Variants in RYR2 observed in about 807,000 individuals in gnomAD.
RYR2 encodes cardiac muscle ryanodine receptor-calcium release channel.
Under a neutral mutation model 601.1 loss-of-function variants are expected in RYR2, and 227 were observed. That is an observed-to-expected ratio of 0.38 (90% CI 0.34 to 0.42). The LOEUF is 0.42. Among genes scored for constraint, RYR2 ranks in the 10% least tolerant of loss-of-function variants. The pLI, the probability that RYR2 is intolerant of heterozygous loss-of-function variation, is 1.00. For missense variants in RYR2, 4,646 were observed against 6,156.5 expected (o/e 0.75, Z 8.21); for synonymous variants, 2,223 against 2,175.1 (o/e 1.02, Z -0.61).
intron 80 of RYR2, among the ~76,000 whole-genome samples, chr1:237,750,536 A>G (rs974348895): frequency 6.0e-5 from 9 of 150,900 alleles, no homozygotes; most frequent in Non-Finnish European, 3.0e-5. Flanking sequence ...AATTTCATAA[A>G]GTTCATTATA....
intron 1 of RYR2, among the ~76,000 whole-genome samples, chr1:237,210,221 TA>T (rs11356891): frequency 0.23 from 35,258 of 152,128 alleles, 4,435 homozygotes; most frequent in East Asian, 0.36. Context: ...AACTCTTTTT[TA>T]AAAAAATTTT....
At chr1:237,794,131 TAA>T in intron 95 of RYR2, 134 bp downstream of exon 95, 1 of 750,028 alleles carries the variant, frequency 1.3e-6, no homozygotes, top group Non-Finnish European at 2.1e-6. Context: ...AAGAAAAATC[TAA>T]AGACTCAGTG....
intron 26 of RYR2, among the ~76,000 whole-genome samples, chr1:237,549,638 T>C (rs917736220): frequency 1.0e-4 from 15 of 146,022 alleles, no homozygotes; most frequent in Middle Eastern, 3.6e-3. Flanking sequence ...CTTTTTTTTT[T>C]TTTTTTTTTT....
chr1:237,237,441 A>G (rs1685662366), intron 1 of RYR2, among the ~76,000 whole-genome samples: 1 of 152,212 alleles, frequency 6.6e-6, no homozygotes. Flanking sequence ...AAACTAGTTC[A>G]TGCTATGAAA....
chr1:237,087,204 C>A (rs1341948058), intron 1 of RYR2, among the ~76,000 whole-genome samples: 4 of 152,130 alleles, frequency 2.6e-5, no homozygotes, highest in African/African-American at 7.2e-5. Flanking sequence ...CAGATGGCAC[C>A]TGAACCAGCA....
chr1:237,712,979 C>T (rs1445013385), intron 71 of RYR2, among the ~76,000 whole-genome samples: 1 of 152,182 alleles, frequency 6.6e-6, no homozygotes, highest in Non-Finnish European at 1.5e-5. Flanking sequence ...CTTAGGTACA[C>T]CCACTCCACT....
In RYR2 at chr1:237,118,961, T is replaced by G. The variant is rs549190538; in HGVS notation, c.48+76392T>G. 2.0e-5 allele frequency among the ~76,000 whole-genome samples: 3 copies of G among 152,234 alleles called. No individual in the cohort carries two copies. The South Asian group carries it at 6.3e-4, about 32-fold the overall frequency. On this transcript the variant is annotated intron_variant, in intron 1 of 104. Coordinates refer to ENST00000366574, the MANE Select transcript of RYR2 (RefSeq NM_001035.3). Reference sequence around the variant, plus strand: ...TGTGCAAAAAAAATGAATTTTAGAATGAAACCATTCTGACTGGGTGAAGAA... The same window carrying G: ...TGTGCAAAAAAAATGAATTTTAGAAGGAAACCATTCTGACTGGGTGAAGAA...
chr1:237,763,341 G>C (rs957038277), intron 84 of RYR2, among the ~76,000 whole-genome samples: 1 of 152,126 alleles, frequency 6.6e-6, no homozygotes, highest in African/African-American at 2.4e-5. Context: ...ATTGGTGCAC[G>C]GGAAATCGGT....
intron 10 of RYR2, among the ~76,000 whole-genome samples, chr1:237,392,141 C>T (rs1236607338): frequency 6.6e-6 from 1 of 152,090 alleles, no homozygotes; most frequent in Non-Finnish European, 1.5e-5. Flanking sequence ...TCTTATTAAA[C>T]TCTTCAATTA....
At chr1:237,793,820 G>A (rs759891011) in intron 94 of RYR2, 47 bp from the exon 95 acceptor site, 1 of 1,429,146 alleles carries the variant, frequency 7.0e-7, no homozygotes, top group Admixed American at 1.9e-5. Flanking sequence ...CACAAGATAT[G>A]CCAGTAAATC....
chr1:237,739,912 T>A (rs766647200), intron 79 of RYR2, among the ~76,000 whole-genome samples: 20 of 152,360 alleles, frequency 1.3e-4, no homozygotes, highest in Non-Finnish European at 2.4e-4. Context: ...CAGTTTTGAA[T>A]TCTGTTGTGG....
At chr1:237,792,382 CGTGTGTGTGTGTGTGCGTGT>C (rs1658528035) in intron 94 of RYR2, 59 bp downstream of exon 94, 13 of 667,022 alleles carry the variant, frequency 1.9e-5, no homozygotes, top group African/African-American at 7.1e-5. Flanking sequence ...TGTGTGTGTG[CGTGTGTGTGTGTGTGCGTGT>C]GTGTGTGTGT....
chr1:237,161,943 C>T (rs1676061360), intron 1 of RYR2, among the ~76,000 whole-genome samples: 2 of 152,130 alleles, frequency 1.3e-5, no homozygotes, highest in African/African-American at 2.4e-5. Flanking sequence ...GTGTAGTGAA[C>T]ATTTGTTGAG....
chr1:237,143,232 C>T (rs1479273561), intron 1 of RYR2, among the ~76,000 whole-genome samples: 1 of 152,190 alleles, frequency 6.6e-6, no homozygotes, highest in Non-Finnish European at 1.5e-5. Flanking sequence ...TGAAAACTCT[C>T]TGAGAATTCC....
rs397983403 is a variant in RYR2 at position 237,833,351 on chromosome 1, GCCCCCCCC to G, written c.*709_*716del. The G allele has an allele frequency of 1.8e-5, 2 of 109,096 alleles. No homozygotes were observed. The highest frequency in any genetic ancestry group is 6.2e-4 in the East Asian group (2 of 3,224). 6.8% of individuals were successfully genotyped at this position (109,096 alleles called of 1,614,324 possible). ...TTCTCATTCAGCTAAATTCACATTT[GCCCCCCCC>G]CCCCGCCCCCGCCCCCATATGCTCC... On this transcript the variant is annotated 3_prime_UTR_variant, in exon 105 of 105. Transcript: ENST00000366574.
At chr1:237,342,153 TC>T (rs1300816586) in intron 3 of RYR2, among the ~76,000 whole-genome samples, 2 of 89,756 alleles carry the variant, frequency 2.2e-5, no homozygotes, top group Non-Finnish European at 5.0e-5. Flanking sequence ...TTAAATAACT[TC>T]CTTTTTTTTT....
chr1:237,661,281 GTGGAAGC>G (rs1683764077), intron 56 of RYR2, among the ~76,000 whole-genome samples: 1 of 151,992 alleles, frequency 6.6e-6, no homozygotes, highest in African/African-American at 2.4e-5. Flanking sequence ...TCACTCATAA[GTGGAAGC>G]TGAACAATGA....
intron 12 of RYR2, among the ~76,000 whole-genome samples, chr1:237,440,987 A>G (rs1707847423): frequency 9.1e-6 from 1 of 109,380 alleles, no homozygotes; most frequent in Admixed American, 1.1e-4. Flanking sequence ...TATGCTCTTA[A>G]TCACTAATAA....
chr1:237,790,901 A>G (rs1175735441), intron 92 of RYR2, among the ~76,000 whole-genome samples: 1 of 151,540 alleles, frequency 6.6e-6, no homozygotes, highest in East Asian at 1.9e-4. Flanking sequence ...CTGTCTGATC[A>G]CATCCCCCTG....
Sources: gnomAD v4.1 joint callset for allele counts (sites outside exome capture counted in the v4.1 genomes callset) on GRCh38, gnomAD v4.1.1 for gene constraint, MANE v1.5 for transcripts, NCBI Gene and HGNC (gene_info 2026-07-23, HGNC 2026-07-21) for gene names.